Variants in FBXO11 observed in about 807,000 individuals in gnomAD.
The protein encoded by FBXO11 is F-box protein 11.
In FBXO11, 13 loss-of-function variants were observed where a neutral mutation model predicts 117.0. That is an observed-to-expected ratio of 0.11 (90% CI 0.07 to 0.18). The LOEUF (loss-of-function observed/expected upper bound fraction) is 0.18. Among genes scored for constraint, FBXO11 ranks in the 10% least tolerant of loss-of-function variants. The probability of loss-of-function intolerance (pLI) is 1.00; values close to 1 mark genes in which losing one functional copy is unlikely to be tolerated. For missense variants in FBXO11, 767 were observed against 1,164.4 expected, an observed-to-expected ratio of 0.66 and a Z score of 4.97; for synonymous variants, 490 against 380.5, an observed-to-expected ratio of 1.29 and a Z score of -3.35.
intron 1 of FBXO11, among the ~76,000 whole-genome samples, chr2:47,863,606 A>G (rs950945067): frequency 6.6e-6 from 1 of 152,172 alleles, no homozygotes; most frequent in Non-Finnish European, 1.5e-5. Flanking sequence ...GGGTTATGGC[A>G]TAACAGTTTT....
Position 47,807,152 on chromosome 2 carries a change from TATATA to T in FBXO11, c.*961_*965del. ...AGCTATGAAACTGTATAGGGCTGTA[TATATA>T]CTTGTCTCAGCTTAATGCAGGAAAT... On this transcript the variant is annotated 3_prime_UTR_variant, in exon 23 of 23. Coordinates refer to ENST00000403359, the MANE Select transcript of FBXO11 (RefSeq NM_001190274.2). 3.0e-6 allele frequency: 1 copy of T among 338,438 alleles called. No individual in the cohort carries two copies. Among genetic ancestry groups the T allele is most frequent in the Non-Finnish European group, 5.4e-6 (1 of 184,610 alleles). 21.0% of individuals were successfully genotyped at this position (338,438 alleles called of 1,614,324 possible). A position where few individuals can be genotyped will look rare whatever the true frequency, so the allele number is the denominator to read the frequency against.
intron 11 of FBXO11, among the ~76,000 whole-genome samples, chr2:47,831,529 A>G (rs1399586972): frequency 6.6e-6 from 1 of 152,074 alleles, no homozygotes; most frequent in Non-Finnish European, 1.5e-5. Flanking sequence ...AATAGGCAAC[A>G]AAACCTCACC....
In FBXO11 at chr2:47,807,309, TTCACAAAACTGAG is replaced by T; in HGVS notation, c.*796_*808del. On this transcript the variant is annotated 3_prime_UTR_variant, in exon 23 of 23. Transcript: ENST00000403359. ...CTTAAAACATAGTAGTTTTTTACCT[TTCACAAAACTGAG>T]TTACAAGAATACTTTTGTTTTACAG... The T allele has an allele frequency of 4.6e-6, 1 of 215,412 alleles. No individual in the cohort carries two copies. The highest frequency in any genetic ancestry group is 9.4e-6 in the Non-Finnish European group (1 of 106,668). 13.3% of individuals were successfully genotyped at this position (215,412 alleles called of 1,614,324 possible).
In FBXO11 at chr2:47,819,917, C is replaced by T. The variant is rs1324790432; in HGVS notation, c.1797+445G>A. Among the ~76,000 whole-genome samples, 2 of 151,982 alleles carry T rather than the reference C, an allele frequency of 1.3e-5. 1 individual carries two copies. Among genetic ancestry groups the T allele is most frequent in the African/African-American group, 4.8e-5 (2 of 41,354 alleles). On this transcript the variant is annotated intron_variant, in intron 14 of 22. Transcript: ENST00000403359. The stretch of plus-strand genomic sequence containing the variant: ...AAATTTTAGATACCATGAGTGAAGA[C>T]GATTAATACACAGGTTTCAAAATTT...
intron 1 of FBXO11, among the ~76,000 whole-genome samples, chr2:47,875,920 A>G (rs1299772076): frequency 5.9e-5 from 9 of 152,166 alleles, no homozygotes; most frequent in Admixed American, 5.9e-4. Context: ...TAAAAAAGAA[A>G]AGCAGCAGCA....
At chr2:47,831,095 G>A (rs1442363025) in intron 11 of FBXO11, among the ~76,000 whole-genome samples, 3 of 150,526 alleles carry the variant, frequency 2.0e-5, no homozygotes, top group Non-Finnish European at 3.0e-5. Flanking sequence ...CACTGCACCC[G>A]GCCATGGTCT....
chr2:47,813,044 A>G (rs1572764277), intron 18 of FBXO11, 190 bp downstream of exon 18: 1 of 618,906 alleles, frequency 1.6e-6, no homozygotes, highest in East Asian at 2.9e-5. Flanking sequence ...AGTGGCTACA[A>G]AAGGAAAAGT....
intron 4 of FBXO11, 57 bp downstream of exon 4, chr2:47,838,802 G>C: frequency 6.5e-7 from 1 of 1,533,064 alleles, no homozygotes; most frequent in East Asian, 2.3e-5. Flanking sequence ...ACCATGTTTA[G>C]CATTTTGGGC....
chr2:47,878,182 T>C (rs1378472838), intron 1 of FBXO11, among the ~76,000 whole-genome samples: 1 of 152,100 alleles, frequency 6.6e-6, no homozygotes, highest in Non-Finnish European at 1.5e-5. Flanking sequence ...AGCCCTTTAG[T>C]TTCTGGGGTA....
chr2:47,830,831 G>A (rs971468676), intron 11 of FBXO11, among the ~76,000 whole-genome samples: 6 of 152,058 alleles, frequency 3.9e-5, no homozygotes, highest in Non-Finnish European at 5.9e-5. Context: ...GGTGGCTCAC[G>A]CCTGAAATCC....
At chr2:47,849,876 G>C (rs1398967071) in intron 1 of FBXO11, among the ~76,000 whole-genome samples, 4 of 152,068 alleles carry the variant, frequency 2.6e-5, no homozygotes, top group Non-Finnish European at 5.9e-5. Context: ...AAATTATAAA[G>C]GCTATTACAA....
intron 1 of FBXO11, among the ~76,000 whole-genome samples, chr2:47,847,407 C>G (rs1380859107): frequency 6.6e-6 from 1 of 152,024 alleles, no homozygotes; most frequent in Non-Finnish European, 1.5e-5. Flanking sequence ...TAAAAAGGTA[C>G]AGTAAAAATA....
chr2:47,819,116 T>C (rs1035135648), intron 14 of FBXO11, 38 bp from the exon 15 acceptor site: 3 of 1,600,222 alleles, frequency 1.9e-6, no homozygotes, highest in African/African-American at 1.3e-5. Context: ...ATTTATCTTC[T>C]ATAAGCAAGG....
chr2:47,880,261 T>C (rs898118125), intron 1 of FBXO11, among the ~76,000 whole-genome samples: 2 of 152,186 alleles, frequency 1.3e-5, no homozygotes, highest in African/African-American at 2.4e-5. Flanking sequence ...CCTCCCAGAG[T>C]GCCCTGAGAG....
At chr2:47,861,865 A>G (rs1674802518) in intron 1 of FBXO11, among the ~76,000 whole-genome samples, 1 of 152,172 alleles carries the variant, frequency 6.6e-6, no homozygotes, top group African/African-American at 2.4e-5. Context: ...CTAAGACAAC[A>G]GCAGAAAATC....
chr2:47,898,526 T>C (rs918677538), intron 1 of FBXO11, among the ~76,000 whole-genome samples: 5 of 152,196 alleles, frequency 3.3e-5, no homozygotes, highest in Admixed American at 2.0e-4. Context: ...TCATAACTTA[T>C]GAGTAATTCA....
In FBXO11 at chr2:47,901,088, T is replaced by C. The variant is rs572656326; in HGVS notation, c.232+4401A>G. Among the ~76,000 whole-genome samples, 211 of 100,042 alleles carry C rather than the reference T, an allele frequency of 2.1e-3. 2 individuals are homozygous for C. The highest frequency in any genetic ancestry group is 6.4e-3 in the African/African-American group (195 of 30,358). The allele number at this position is 100,042 out of a possible 152,430, so 65.6% of individuals were successfully genotyped here. A position where few individuals can be genotyped will look rare whatever the true frequency, so the allele number is the denominator to read the frequency against. ...GTATATATATACACACGTGTGTACA[T>C]ATATATACATATATATGTATATATG... On this transcript the variant is annotated intron_variant, in intron 1 of 22. Coordinates refer to ENST00000403359, the MANE Select transcript of FBXO11 (RefSeq NM_001190274.2).
chr2:47,839,595 GAAAA>G (rs775175467), intron 2 of FBXO11, 43 bp downstream of exon 2: 24 of 1,603,006 alleles, frequency 1.5e-5, no homozygotes, highest in Non-Finnish European at 2.0e-5. Flanking sequence ...TTTGTTTCTT[GAAAA>G]TTCTTTCATT....
At chr2:47,901,619 G>A (rs182128906) in intron 1 of FBXO11, among the ~76,000 whole-genome samples, 2 of 151,988 alleles carry the variant, frequency 1.3e-5, no homozygotes, top group Admixed American at 6.5e-5. Context: ...TTTATTTTTT[G>A]AGATGGAGTC....
Sources: gnomAD v4.1 joint callset for allele counts (sites outside exome capture counted in the v4.1 genomes callset) on GRCh38, gnomAD v4.1.1 for gene constraint, MANE v1.5 for transcripts, NCBI Gene and HGNC (gene_info 2026-07-23, HGNC 2026-07-21) for gene names.